SENP1: variants seen among roughly 807,000 people sequenced by gnomAD.
SENP1 encodes SUMO specific peptidase 1.
Under a neutral mutation model 93.0 loss-of-function variants are expected in SENP1, and 21 were observed. The observed-to-expected ratio is 0.23, with a 90% CI of 0.16 to 0.33. SENP1 has a LOEUF of 0.33. Ranked by LOEUF, SENP1 falls within the 10% of genes least tolerant of loss-of-function variation. The pLI, the probability that SENP1 is intolerant of heterozygous loss-of-function variation, is 1.00. For missense variants in SENP1, 591 were observed against 758.7 expected, an observed-to-expected ratio of 0.78 and a Z score of 2.60; for synonymous variants, 256 against 259.6, an observed-to-expected ratio of 0.99 and a Z score of 0.13.
At chr12:48,049,175 T>C in intron 13 of SENP1, 43 bp from the exon 14 acceptor site, 1 of 1,467,370 alleles carries the variant, frequency 6.8e-7, no homozygotes, top group Non-Finnish European at 9.5e-7. Context: ...CACTCAGGCC[T>C]AGCCTTTCAA....
At chr12:48,056,311 A>T (rs1286871316) in intron 13 of SENP1, among the ~76,000 whole-genome samples, 2 of 84,088 alleles carry the variant, frequency 2.4e-5, no homozygotes, top group East Asian at 7.1e-4. Context: ...TTAATATATT[A>T]CATATCACAT....
Position 48,056,830 on chromosome 12 carries a change from AACATATT to A in SENP1, c.1407+6873_1407+6879del, listed in dbSNP as rs1201342512. Among the ~76,000 whole-genome samples, 138 of 43,848 alleles carry A rather than the reference AACATATT, an allele frequency of 3.1e-3. 24 individuals are homozygous for A. The highest frequency in any genetic ancestry group is 4.4e-3 in the Non-Finnish European group (121 of 27,668). 28.8% of individuals were successfully genotyped at this position (43,848 alleles called of 152,430 possible). A position where few individuals can be genotyped will look rare whatever the true frequency, so the allele number is the denominator to read the frequency against. The stretch of plus-strand genomic sequence containing the variant: ...ACATATTACATATATAAATATATTT[AACATATT>A]ACATATTACATATATATTATTTAAT... On this transcript the variant is annotated intron_variant, in intron 13 of 17. Transcript: ENST00000549518.
chr12:48,066,243 C>T (rs560380659), intron 10 of SENP1, among the ~76,000 whole-genome samples: 6 of 151,892 alleles, frequency 4.0e-5, no homozygotes, highest in South Asian at 2.1e-4. Context: ...TTACCGAGAC[C>T]GAGGGGTTTG....
At chr12:48,080,923 G>A (rs1047290081) in intron 6 of SENP1, among the ~76,000 whole-genome samples, 1 of 152,160 alleles carries the variant, frequency 6.6e-6, no homozygotes, top group African/African-American at 2.4e-5. Context: ...CCACCTTCAT[G>A]TTCTCCACTG....
chr12:48,066,969 TG>T lies in SENP1; in HGVS notation c.996-5del. The T allele has an allele frequency of 1.3e-6, 2 of 1,555,130 alleles. No homozygotes were observed. The highest frequency in any genetic ancestry group is 1.7e-6 in the Non-Finnish European group (2 of 1,147,710). On this transcript the variant is annotated splice_region_variant and splice_polypyrimidine_tract_variant and intron_variant, in intron 9 of 17. Coordinates refer to ENST00000549518, the MANE Select transcript of SENP1 (RefSeq NM_001267594.2). ...CTCTGCCTGGAAGAAAGTAGAACTATGGGTAGGAAAAGAAAAATTTGACAAA... is the reference window on the plus strand; with the variant it reads ...CTCTGCCTGGAAGAAAGTAGAACTATGGTAGGAAAAGAAAAATTTGACAAA...
chr12:48,064,271 T>A (rs1038852143), intron 12 of SENP1, among the ~76,000 whole-genome samples: 20 of 152,224 alleles, frequency 1.3e-4, no homozygotes, highest in East Asian at 5.8e-4. Context: ...TCTTTTTTTT[T>A]AAATGTAAAG....
At chr12:48,093,466 TAG>T (rs1945348281) in intron 4 of SENP1, among the ~76,000 whole-genome samples, 1 of 151,658 alleles carries the variant, frequency 6.6e-6, no homozygotes. Context: ...GTGTTTTTAG[TAG>T]AGACAGGGTT....
chr12:48,081,501 G>A (rs949316497), intron 6 of SENP1: 1 of 150,506 alleles, frequency 6.6e-6, no homozygotes, highest in Non-Finnish European at 1.5e-5. Flanking sequence ...CCAGTTTCTT[G>A]TCTATCCCTT....
chr12:48,100,240 T>TA (rs2137320462), intron 2 of SENP1, among the ~76,000 whole-genome samples: 1 of 152,352 alleles, frequency 6.6e-6, no homozygotes, highest in East Asian at 1.9e-4. Context: ...AAAAATGTCC[T>TA]AACCACAATT....
intron 17 of SENP1, among the ~76,000 whole-genome samples, 191 bp from the exon 18 acceptor site, chr12:48,045,575 C>T (rs1941304366): frequency 6.6e-6 from 1 of 151,998 alleles, no homozygotes; most frequent in Non-Finnish European, 1.5e-5. Flanking sequence ...TTATTTTTCA[C>T]CATTATAGCC....
chr12:48,095,137 G>T (rs7296913), intron 4 of SENP1, among the ~76,000 whole-genome samples: 1 of 151,980 alleles, frequency 6.6e-6, no homozygotes, highest in South Asian at 2.1e-4. Flanking sequence ...TCCTACTAAC[G>T]TCTTTTTAGG....
chr12:48,065,948 C>G (rs188555608), intron 10 of SENP1, among the ~76,000 whole-genome samples: 18 of 152,254 alleles, frequency 1.2e-4, no homozygotes, highest in Admixed American at 2.0e-4. Context: ...AGCGACCCCC[C>G]TACCTTGGCC....
At chr12:48,086,926 C>T (rs1274213611) in intron 5 of SENP1, among the ~76,000 whole-genome samples, 6 of 152,076 alleles carry the variant, frequency 3.9e-5, no homozygotes, top group African/African-American at 1.4e-4. Flanking sequence ...GTAGTCCCAG[C>T]TACTCGGAAG....
intron 13 of SENP1, among the ~76,000 whole-genome samples, chr12:48,057,628 A>T (rs1942645569): frequency 1.4e-5 from 1 of 69,838 alleles, no homozygotes; most frequent in South Asian, 3.8e-4. Context: ...ATATTTTTTA[A>T]TTGAAACAGT....
chr12:48,072,521 G>A (rs927506304), intron 8 of SENP1, among the ~76,000 whole-genome samples: 4 of 152,150 alleles, frequency 2.6e-5, no homozygotes, highest in Admixed American at 6.5e-5. Context: ...GGAGGCTGAG[G>A]CAGCAGAATC....
At chr12:48,090,650 G>A (rs61918806) in intron 4 of SENP1, among the ~76,000 whole-genome samples, 25,325 of 152,102 alleles carry the variant, frequency 0.17, 2,438 homozygotes, top group East Asian at 0.28. Context: ...AGGCTGGAGT[G>A]TAGTGGCACA....
rs556564685 is a variant in SENP1 at position 48,062,627 on chromosome 12, G to C, written c.1407+1083C>G. On this transcript the variant is annotated intron_variant, in intron 13 of 17. Transcript: ENST00000549518. The stretch of plus-strand genomic sequence containing the variant: ...ACCAGTATCCAATTTAAGATTCTGA[G>C]GTAGTTAAGATATAGTAGATAAGAC... 9.9e-5 allele frequency among the ~76,000 whole-genome samples: 15 copies of C among 152,268 alleles called. No homozygotes were observed. In the South Asian group the frequency reaches 3.1e-3, roughly 32 times the overall value.
At position 48,048,056 on chromosome 12, in the gene SENP1, T is replaced by C. The variant is rs376636658; in HGVS notation, c.1636A>G (p.Ile546Val). The change falls in exon 15 of 18, where the codon ATT becomes GTT. Residue 546 changes from isoleucine (I) to valine (V), a missense_variant. Coordinates refer to ENST00000549518, the MANE Select transcript of SENP1 (RefSeq NM_001267594.2). ...CCACCCATGGAGTCGTAATAGGTAA[T>C]ATTCTTCTTTCTAAAGTCCACAACC... ...LAVVDFRKKN[I>V]TYYDSMGGIN... 1.4e-5 allele frequency: 22 copies of C among 1,606,204 alleles called. No homozygotes were observed. Among genetic ancestry groups the C allele is most frequent in the Non-Finnish European group, 1.9e-5 (22 of 1,173,156 alleles).
rs565495425 is a variant in SENP1 at position 48,098,416 on chromosome 12, G to A, written c.5-292C>T. Reference sequence around the variant, plus strand: ...TCCCAGCACTTTGGGAGGTTGAGGCGGGTGGATCACGGGGTCAGGAGTTCA... The same window carrying A: ...TCCCAGCACTTTGGGAGGTTGAGGCAGGTGGATCACGGGGTCAGGAGTTCA... On this transcript the variant is annotated intron_variant, in intron 2 of 17. Coordinates refer to ENST00000549518, the MANE Select transcript of SENP1 (RefSeq NM_001267594.2). 2.1e-3 allele frequency among the ~76,000 whole-genome samples: 313 copies of A among 151,916 alleles called. 1 individual carries two copies. The highest frequency in any genetic ancestry group is 7.0e-3 in the African/African-American group (289 of 41,422).
Sources: allele counts gnomAD v4.1 joint callset (sites outside exome capture counted in the v4.1 genomes callset), GRCh38; gene constraint gnomAD v4.1.1; transcripts MANE v1.5; gene names NCBI Gene and HGNC (gene_info 2026-07-23, HGNC 2026-07-21).